The following JAKMIP3 variants were observed in gnomAD, a reference collection of about 807,000 sequenced individuals.
The protein encoded by JAKMIP3 is Janus kinase and microtubule interacting protein 3, also known as janus kinase and microtubule-interacting protein 3.
Under a neutral mutation model 118.5 loss-of-function variants are expected in JAKMIP3, and 58 were observed. The ratio of observed to expected loss-of-function variants is 0.49; its 90% CI spans 0.40 to 0.61. The LOEUF (loss-of-function observed/expected upper bound fraction) is 0.61, where lower values mean the gene tolerates loss of function less well. JAKMIP3 is among the 20% of genes least tolerant of loss of function. JAKMIP3 has a pLI of 0.00. For missense variants in JAKMIP3, 950 were observed against 1,109.0 expected (o/e 0.86, Z 2.04); for synonymous variants, 486 against 451.2 (o/e 1.08, Z -0.98).
At chr10:132,052,732 T>A (rs1366332370) in intron 1 of JAKMIP3, among the ~76,000 whole-genome samples, 1 of 152,216 alleles carries the variant, frequency 6.6e-6, no homozygotes, top group Non-Finnish European at 1.5e-5. Flanking sequence ...GTGTTCTTTT[T>A]ATTCAAATTT....
At position 132,168,019 on chromosome 10, in the gene JAKMIP3, G is replaced by C; in HGVS notation, c.*89G>C. On this transcript the variant is annotated 3_prime_UTR_variant, in exon 23 of 24. Transcript: ENST00000684848. ...AAGCAGGGACAAAATGGGACGTCGC[G>C]TCTCCATCCTGAAGACCCAGGGAGA... 7.8e-7 allele frequency: 1 copy of C among 1,289,564 alleles called. No individual in the cohort carries two copies. 79.9% of individuals were successfully genotyped at this position (1,289,564 alleles called of 1,614,324 possible). A position where few individuals can be genotyped will look rare whatever the true frequency, so the allele number is the denominator to read the frequency against.
In JAKMIP3 at chr10:132,180,548, T is replaced by TGTGC. The variant is rs1447452932; in HGVS notation, c.*1104-1808_*1104-1807insTGCG. Among the ~76,000 whole-genome samples, 2 of 30,836 alleles carry TGTGC rather than the reference T, an allele frequency of 6.5e-5. 1 individual carries two copies. The highest frequency in any genetic ancestry group is 3.7e-4 in the African/African-American group (2 of 5,394). 20.2% of individuals were successfully genotyped at this position (30,836 alleles called of 152,430 possible). A position where few individuals can be genotyped will look rare whatever the true frequency, so the allele number is the denominator to read the frequency against. Reference sequence around the variant, plus strand: ...CTGTGTGTGTGTGTGTGTGTGTGCGTGCGTGCATGCGTGTGTGTGCGTGTG... The same window carrying TGTGC: ...CTGTGTGTGTGTGTGTGTGTGTGCGTGTGCGCGTGCATGCGTGTGTGTGCGTGTG... On this transcript the variant is annotated intron_variant, in intron 23 of 23. Coordinates refer to ENST00000684848, the MANE Select transcript of JAKMIP3 (RefSeq NM_001323087.2).
chr10:132,117,617 GC>G lies in JAKMIP3; in HGVS notation c.633+44del. 1 of 1,094,770 alleles carries G rather than the reference GC, an allele frequency of 9.1e-7. No individual in the cohort carries two copies. The highest frequency in any genetic ancestry group is 1.6e-5 in the South Asian group (1 of 63,500). The allele number at this position is 1,094,770 out of a possible 1,614,324, so 67.8% of individuals were successfully genotyped here. ...GGCGGGCGTGGGCGAGGGTGCAGGG[GC>G]GGGCGTGGGCGAGGGTGCAGGGGCG... On this transcript the variant is annotated intron_variant, in intron 3 of 23. Coordinates refer to ENST00000684848, the MANE Select transcript of JAKMIP3 (RefSeq NM_001323087.2). This position sits in a 1 kb window ranked among gnomAD's most constrained non-coding sequence, Gnocchi z 8.6.
chr10:132,165,382 G>C (rs1354382478), intron 21 of JAKMIP3, among the ~76,000 whole-genome samples: 2 of 152,198 alleles, frequency 1.3e-5, no homozygotes, highest in Non-Finnish European at 2.9e-5. Flanking sequence ...ACGTGGGGCT[G>C]GTTCAGTCAT....
At chr10:132,070,481 C>A (rs902304088) in intron 1 of JAKMIP3, among the ~76,000 whole-genome samples, 4 of 152,164 alleles carry the variant, frequency 2.6e-5, no homozygotes, top group Non-Finnish European at 4.4e-5. Flanking sequence ...GCACTTCTTA[C>A]CCTCTGCTGC....
intron 1 of JAKMIP3, among the ~76,000 whole-genome samples, chr10:132,053,085 G>A (rs182077169): frequency 6.6e-6 from 1 of 152,256 alleles, no homozygotes; most frequent in African/African-American, 2.4e-5. Flanking sequence ...TGAGACCTGG[G>A]ATCAATGTGC....
At chr10:132,106,129 G>A (rs2045863126) in intron 2 of JAKMIP3, among the ~76,000 whole-genome samples, 1 of 151,946 alleles carries the variant, frequency 6.6e-6, no homozygotes, top group African/African-American at 2.4e-5. Flanking sequence ...GAGCCCAGGA[G>A]TTCGAGACCA....
chr10:132,143,289 C>T (rs905028575), intron 11 of JAKMIP3, among the ~76,000 whole-genome samples: 1 of 152,170 alleles, frequency 6.6e-6, no homozygotes, highest in Non-Finnish European at 1.5e-5. Flanking sequence ...GTCAAGGCCT[C>T]GGTTCAGAGC....
At position 132,118,752 on chromosome 10, in the gene JAKMIP3, C is replaced by A. The variant is rs538023982; in HGVS notation, c.633+1178C>A. Among the ~76,000 whole-genome samples, 46 of 152,354 alleles carry A rather than the reference C, an allele frequency of 3.0e-4. No homozygotes were observed. In the South Asian group the frequency reaches 9.3e-3, roughly 31 times the overall value. ...TTCCAACCTCCCCTACACCTCTTCG[C>A]CCTGTCCCAAGCCACATATCGATGT... On this transcript the variant is annotated intron_variant, in intron 3 of 23. Transcript: ENST00000684848. This position sits in a 1 kb window ranked among gnomAD's most constrained non-coding sequence, Gnocchi z 4.8.
intron 3 of JAKMIP3, 70 bp from the exon 4 acceptor site, chr10:132,133,242 C>T (rs1035082599): frequency 2.1e-5 from 27 of 1,310,052 alleles, no homozygotes; most frequent in Non-Finnish European, 2.7e-5. Context: ...GGCAGGGCTG[C>T]GCCCGTTTCT....
chr10:132,134,806 G>A (rs1028388045), intron 4 of JAKMIP3, among the ~76,000 whole-genome samples: 1 of 152,252 alleles, frequency 6.6e-6, no homozygotes, highest in Non-Finnish European at 1.5e-5. Flanking sequence ...AAATAGTTGT[G>A]TGTGAGGTAG....
At position 132,137,876 on chromosome 10, in the gene JAKMIP3, A is replaced by C. The variant is rs76533592; in HGVS notation, c.1285-243A>C. ...GGACGCATTTAGAAGGGGAGCTGGT[A>C]GACCATTGAGCAAGACAAGCTCAGA... is the stretch of plus-strand genomic sequence containing the variant. On this transcript the variant is annotated intron_variant, in intron 8 of 23. Coordinates refer to ENST00000684848, the MANE Select transcript of JAKMIP3 (RefSeq NM_001323087.2). Among the ~76,000 whole-genome samples, 586 of 152,332 alleles carry C rather than the reference A, an allele frequency of 3.8e-3. 2 individuals carry two copies. The highest frequency in any genetic ancestry group is 0.013 in the African/African-American group (552 of 41,570).
At chr10:132,110,108 G>A (rs1326602615) in intron 2 of JAKMIP3, among the ~76,000 whole-genome samples, 2 of 152,182 alleles carry the variant, frequency 1.3e-5, no homozygotes, top group Non-Finnish European at 2.9e-5. Flanking sequence ...TGGACCTCAA[G>A]AGGGAAATCA....
At chr10:132,174,490 G>C (rs1165775706) in intron 23 of JAKMIP3, among the ~76,000 whole-genome samples, 1 of 152,088 alleles carries the variant, frequency 6.6e-6, no homozygotes, top group Non-Finnish European at 1.5e-5. Flanking sequence ...AATCCCCTCG[G>C]GTGAAAGGAC....
intron 23 of JAKMIP3, among the ~76,000 whole-genome samples, chr10:132,180,598 C>CAT (rs2060834072): frequency 1.4e-4 from 1 of 7,370 alleles, no homozygotes; most frequent in Non-Finnish European, 2.7e-4. Flanking sequence ...TGTGTGTGTG[C>CAT]GTGCGCGTGT....
At chr10:132,146,457 G>A (rs147506684) in intron 13 of JAKMIP3, among the ~76,000 whole-genome samples, 144 of 152,264 alleles carry the variant, frequency 9.5e-4, no homozygotes, top group Non-Finnish European at 1.5e-3. Flanking sequence ...AGGCAGGGGC[G>A]GGGCTGGCTA....
At chr10:132,147,327 C>T (rs1205487654) in intron 13 of JAKMIP3, among the ~76,000 whole-genome samples, 1 of 152,194 alleles carries the variant, frequency 6.6e-6, no homozygotes, top group African/African-American at 2.4e-5. Context: ...GGCCCCTGCC[C>T]TCATGAGGCT....
At position 132,135,141 on chromosome 10, in the gene JAKMIP3, C is replaced by T. The variant is rs762827445; in HGVS notation, c.950C>T (p.Ser317Leu). The T allele has an allele frequency of 1.2e-5, 19 of 1,609,890 alleles. No homozygotes were observed. The Admixed American group carries it at 1.5e-4, about 13-fold the overall frequency. ...RKLEDRNALLSEERNELLKRV... is the reference protein window; with the variant it reads ...RKLEDRNALLLEERNELLKRV... ...CTGGAGGACCGCAATGCATTGCTGT[C>T]GGAAGAGAGGAATGAGCTGGTGAGC... The change falls in exon 5 of 24, where the codon TCG becomes TTG. Residue 317 changes from serine (S) to leucine (L), a missense_variant. Ser to Leu is a moderately radical substitution (Grantham distance 145). Transcript: ENST00000684848.
At chr10:132,175,436 G>T (rs376836665) in intron 23 of JAKMIP3, among the ~76,000 whole-genome samples, 1 of 152,048 alleles carries the variant, frequency 6.6e-6, no homozygotes, top group African/African-American at 2.4e-5. Context: ...CCTGGCTGGG[G>T]TGTCCACCTT....
Sources: gnomAD v4.1 joint callset for allele counts (sites outside exome capture counted in the v4.1 genomes callset) on GRCh38, gnomAD v4.1.1 for gene constraint, Gnocchi (gnomAD v3.1) non-coding constraint, MANE v1.5 for transcripts, NCBI Gene and HGNC (gene_info 2026-07-23, HGNC 2026-07-21) for gene names.